Variants in SORL1 observed in about 807,000 individuals in gnomAD.
SORL1 encodes sortilin-related receptor.
SORL1 carries 127 observed loss-of-function variants against 273.7 expected under a neutral mutation model. The ratio of observed to expected loss-of-function variants is 0.46; its 90% confidence interval spans 0.40 to 0.54. The LOEUF is 0.54. Among genes scored for constraint, SORL1 ranks in the 20% least tolerant of loss-of-function variants. The probability of loss-of-function intolerance (pLI) is 0.00; values close to 1 mark genes in which losing one functional copy is unlikely to be tolerated. For synonymous variants in SORL1, 1,031 were observed against 1,067.4 expected, an observed-to-expected ratio of 0.97 and a Z score of 0.66; for missense variants, 2,494 against 2,846.1, an observed-to-expected ratio of 0.88 and a Z score of 2.81.
chr11:121,468,124 A>G (rs1763017060), intron 1 of SORL1, among the ~76,000 whole-genome samples: 1 of 151,744 alleles, frequency 6.6e-6, no homozygotes, highest in Admixed American at 6.6e-5. Context: ...TGCTGGGGGG[A>G]GGAAGCGAGA....
chr11:121,589,459 A>G, intron 29 of SORL1, 69 bp downstream of exon 29: 1 of 1,584,488 alleles, frequency 6.3e-7, no homozygotes, highest in Non-Finnish European at 8.6e-7. Context: ...AGTTACAGGG[A>G]CACTCACCGG....
intron 14 of SORL1, among the ~76,000 whole-genome samples, chr11:121,549,251 C>T (rs1862474204): frequency 6.6e-6 from 1 of 152,110 alleles, no homozygotes; most frequent in African/African-American, 2.4e-5. Flanking sequence ...GAGACAGGGG[C>T]TTGCTCTGTT....
chr11:121,464,784 C>T (rs532004679), intron 1 of SORL1, among the ~76,000 whole-genome samples: 11 of 152,152 alleles, frequency 7.2e-5, no homozygotes, highest in Middle Eastern at 3.2e-3. Flanking sequence ...GAGGCCTGTG[C>T]GGATGCTGTG....
intron 26 of SORL1, among the ~76,000 whole-genome samples, chr11:121,585,714 T>C (rs1021977906): frequency 5.3e-5 from 8 of 152,244 alleles, no homozygotes; most frequent in African/African-American, 1.9e-4. Flanking sequence ...CTCTGTATTA[T>C]TGTCCTATTT....
intron 7 of SORL1, among the ~76,000 whole-genome samples, 200 bp from the exon 8 acceptor site, chr11:121,513,952 C>T (rs545189151): frequency 2.8e-4 from 42 of 152,302 alleles, no homozygotes; most frequent in Non-Finnish European, 5.3e-4. Flanking sequence ...GTAAGGGGCC[C>T]GCTAAGCTGC....
intron 12 of SORL1, among the ~76,000 whole-genome samples, chr11:121,540,865 C>G (rs1862337669): frequency 6.6e-6 from 1 of 152,228 alleles, no homozygotes; most frequent in Non-Finnish European, 1.5e-5. Flanking sequence ...AGAGAATTAA[C>G]TTGGCAACGT....
Position 121,618,841 on chromosome 11 carries a change from C to T in SORL1, c.5672C>T (p.Ser1891Leu). Residue 1891 changes from serine to leucine, a missense_variant, in exon 42 of 48, where the codon TCA becomes TTA. Transcript: ENST00000260197. ...LYRNPKSLTT[S>L]LHNKTVIVSK... ...CGCAACCCGAAGAGCTTGACTACTTCACTCCACAACAAGACGGTCATTGTC... is the reference window on the plus strand; with the variant it reads ...CGCAACCCGAAGAGCTTGACTACTTTACTCCACAACAAGACGGTCATTGTC... 1 of 1,614,110 alleles carries T rather than the reference C, an allele frequency of 6.2e-7. No homozygotes were observed. The highest frequency in any genetic ancestry group is 1.1e-5 in the South Asian group (1 of 91,082).
chr11:121,557,256 T>C (rs1862601827), intron 18 of SORL1, 58 bp from the exon 19 acceptor site: 1 of 1,236,440 alleles, frequency 8.1e-7, no homozygotes, highest in Admixed American at 1.7e-5. Flanking sequence ...TCTTTGGCAA[T>C]GGGGGTCTTT....
intron 6 of SORL1, among the ~76,000 whole-genome samples, chr11:121,510,899 A>G (rs1331223617): frequency 1.3e-5 from 2 of 152,138 alleles, no homozygotes; most frequent in East Asian, 3.9e-4. Flanking sequence ...CATTTACCTT[A>G]TACCCATCTG....
intron 20 of SORL1, among the ~76,000 whole-genome samples, chr11:121,559,118 G>C (rs1304856053): frequency 6.6e-6 from 1 of 152,158 alleles, no homozygotes; most frequent in Admixed American, 6.5e-5. Context: ...CCTCATTTCA[G>C]GGTGGTGTCT....
At position 121,595,472 on chromosome 11, in the gene SORL1, C is replaced by G; in HGVS notation, c.4370-151C>G. 2 of 695,902 alleles carry G rather than the reference C, an allele frequency of 2.9e-6. No individual in the cohort carries two copies. Among genetic ancestry groups the G allele is most frequent in the African/African-American group, 1.8e-5 (1 of 55,594 alleles). The allele number at this position is 695,902 out of a possible 1,614,324, so 43.1% of individuals were successfully genotyped here. On this transcript the variant is annotated intron_variant, in intron 31 of 47. Transcript: ENST00000260197. This position sits in a 1 kb window ranked among gnomAD's most constrained non-coding sequence, Gnocchi z 5.1. ...GGGAAGCAACATTAGATGTCTGTAT[C>G]TACTCTGCTCTCTATCCGGAACTCG...
intron 11 of SORL1, among the ~76,000 whole-genome samples, chr11:121,531,284 C>T (rs1862198645): frequency 6.6e-6 from 1 of 152,144 alleles, no homozygotes; most frequent in South Asian, 2.1e-4. Flanking sequence ...ATCCCAGCTA[C>T]TTGGGAGGTT....
At chr11:121,604,959 C>T (rs144614870) in intron 33 of SORL1, among the ~76,000 whole-genome samples, 154 bp from the exon 34 acceptor site, 90 of 151,400 alleles carry the variant, frequency 5.9e-4, no homozygotes, top group African/African-American at 2.1e-3. Context: ...TTAGTAGAGA[C>T]GGGGTTTAGC....
At position 121,612,896 on chromosome 11, in the gene SORL1, G is replaced by A. The variant is rs116842156; in HGVS notation, c.5419+64G>A. The A allele has an allele frequency of 9.6e-5, 112 of 1,169,718 alleles. No homozygotes were observed. In the East Asian group the frequency reaches 1.3e-3, roughly 13 times the overall value. The allele number at this position is 1,169,718 out of a possible 1,614,324, so 72.5% of individuals were successfully genotyped here. On this transcript the variant is annotated intron_variant, in intron 40 of 47. Coordinates refer to ENST00000260197, the MANE Select transcript of SORL1 (RefSeq NM_003105.6). ...GGTAAGGCTGGACCAATGCTTTCCC[G>A]CTGTAGAGCTTGACTGGGGGTGCCA... is the stretch of plus-strand genomic sequence containing the variant.
At chr11:121,474,413 G>T (rs531868672) in intron 2 of SORL1, among the ~76,000 whole-genome samples, 15 of 152,338 alleles carry the variant, frequency 9.8e-5, no homozygotes, top group Middle Eastern at 6.8e-3. Flanking sequence ...AACAGTGCCA[G>T]ATATGGGGAT....
intron 21 of SORL1, among the ~76,000 whole-genome samples, chr11:121,564,021 A>G (rs1408447176): frequency 6.6e-6 from 1 of 152,196 alleles, no homozygotes; most frequent in Non-Finnish European, 1.5e-5. Flanking sequence ...GAAATGTGAA[A>G]ATGTTCTGAA....
At chr11:121,512,566 T>C (rs1591306663) in intron 6 of SORL1, among the ~76,000 whole-genome samples, 1 of 152,252 alleles carries the variant, frequency 6.6e-6, no homozygotes, top group East Asian at 1.9e-4. Flanking sequence ...AAAATAGGAG[T>C]AGAAAGAAGA....
At chr11:121,529,210 C>G (rs1862167075) in intron 11 of SORL1, among the ~76,000 whole-genome samples, 1 of 151,938 alleles carries the variant, frequency 6.6e-6, no homozygotes, top group Admixed American at 6.6e-5. Flanking sequence ...CTTCTGTTTA[C>G]TATTTGGATA....
intron 4 of SORL1, among the ~76,000 whole-genome samples, chr11:121,489,688 T>G (rs965885746): frequency 1.9e-4 from 29 of 152,364 alleles, no homozygotes; most frequent in Admixed American, 6.5e-4. Flanking sequence ...TGTGAAAGGT[T>G]TTTAAGGACA....
Sources: gnomAD v4.1 joint callset for allele counts (sites outside exome capture counted in the v4.1 genomes callset) on GRCh38, gnomAD v4.1.1 for gene constraint, Gnocchi (gnomAD v3.1) non-coding constraint, MANE v1.5 for transcripts, NCBI Gene and HGNC (gene_info 2026-07-23, HGNC 2026-07-21) for gene names.